The following DNAH8 variants were observed in gnomAD, a reference collection of about 807,000 sequenced individuals.
DNAH8 encodes the protein axonemal beta dynein heavy chain 8.
DNAH8 carries 382 observed loss-of-function variants against 562.1 expected under a neutral mutation model. The observed-to-expected ratio is 0.68, with a 90% CI of 0.63 to 0.74. DNAH8 has a LOEUF of 0.74. Among genes scored for constraint, DNAH8 ranks in the 30% least tolerant of loss-of-function variants. The pLI is 0.00. For missense variants in DNAH8, 5,203 were observed against 5,620.4 expected, an observed-to-expected ratio of 0.93 and a Z score of 2.37; for synonymous variants, 1,881 against 1,919.4, an observed-to-expected ratio of 0.98 and a Z score of 0.52.
intron 89 of DNAH8, 142 bp downstream of exon 89, chr6:39,009,112 T>C: frequency 3.6e-6 from 2 of 559,088 alleles, no homozygotes; most frequent in Non-Finnish European, 6.3e-6. Context: ...ACTATATTAC[T>C]AAACTCTGCA....
Position 38,842,388 on chromosome 6 carries a change from A to C in DNAH8, c.4487A>C (p.Gln1496Pro), listed in dbSNP as rs779352392. The change falls in exon 34 of 93, where the codon CAG becomes CCG. Residue 1496 changes from glutamine (Q) to proline (P), a missense_variant. Transcript: ENST00000327475. ...HKTRKELNLL[Q>P]KLYGLYDTVM... ...CCCAGAAAAGAACTCAACTTGCTGC[A>C]GAAGCTGTATGGATTGTATGACACC... The C allele has an allele frequency of 8.3e-5, 134 of 1,605,668 alleles. No homozygotes were observed. Among genetic ancestry groups the C allele is most frequent in the Non-Finnish European group, 1.1e-4 (131 of 1,177,320 alleles).
intron 58 of DNAH8, among the ~76,000 whole-genome samples, chr6:38,892,230 C>T (rs1190581951): frequency 6.6e-6 from 1 of 152,092 alleles, no homozygotes; most frequent in Non-Finnish European, 1.5e-5. Flanking sequence ...AGCTTCAAGG[C>T]TCTAAACATC....
At chr6:38,882,171 A>C (rs1300785645) in intron 53 of DNAH8, among the ~76,000 whole-genome samples, 1 of 120,408 alleles carries the variant, frequency 8.3e-6, no homozygotes, top group African/African-American at 2.8e-5. Flanking sequence ...AAGAACTTAA[A>C]CTTAGACCTA....
At chr6:38,785,939 G>A (rs759906952) in intron 17 of DNAH8, among the ~76,000 whole-genome samples, 2 of 152,100 alleles carry the variant, frequency 1.3e-5, no homozygotes. Context: ...AGTTTGATGT[G>A]GCCACATTCA....
At chr6:38,889,755 G>C (rs1445448752) in intron 57 of DNAH8, among the ~76,000 whole-genome samples, 3 of 152,148 alleles carry the variant, frequency 2.0e-5, no homozygotes, top group African/African-American at 7.2e-5. Flanking sequence ...GACTTTACAG[G>C]CACTTAGCAC....
intron 68 of DNAH8, among the ~76,000 whole-genome samples, chr6:38,916,461 G>A (rs9470950): frequency 2.6e-5 from 4 of 152,008 alleles, no homozygotes; most frequent in Non-Finnish European, 5.9e-5. Context: ...AATTGTATTT[G>A]CTTTGCCATT....
chr6:38,956,369 A>G (rs1438803116), intron 82 of DNAH8, among the ~76,000 whole-genome samples: 1 of 152,212 alleles, frequency 6.6e-6, no homozygotes, highest in Non-Finnish European at 1.5e-5. Context: ...ATCATCCTCC[A>G]GCAGATCCCA....
intron 61 of DNAH8, among the ~76,000 whole-genome samples, chr6:38,899,426 ATCTT>A (rs1388168118): frequency 6.6e-6 from 1 of 152,244 alleles, no homozygotes; most frequent in Admixed American, 6.5e-5. Context: ...CATTTCTTAT[ATCTT>A]CTGCAGATTG....
chr6:38,940,366 G>T (rs1783341073), intron 79 of DNAH8, among the ~76,000 whole-genome samples: 1 of 152,184 alleles, frequency 6.6e-6, no homozygotes, highest in Admixed American at 6.5e-5. Context: ...TGGTCTGGTG[G>T]TTGGAAGAGG....
intron 1 of DNAH8, among the ~76,000 whole-genome samples, chr6:38,721,483 T>G (rs1762746825): frequency 1.4e-5 from 2 of 145,264 alleles, no homozygotes; most frequent in Admixed American, 7.1e-5. Context: ...CTAGCCCAGG[T>G]GGCAGCGTGA....
chr6:38,991,449 C>G (rs1764780815), intron 88 of DNAH8, among the ~76,000 whole-genome samples: 1 of 152,200 alleles, frequency 6.6e-6, no homozygotes, highest in East Asian at 1.9e-4. Flanking sequence ...ACAATCAACT[C>G]TTAACGTTTT....
chr6:38,890,723 T>C lies in DNAH8; in HGVS notation c.8545T>C (p.Leu2849=). ...TCAAATATGTGAGATGATTGTGAAT[T>C]TAGTCTCAGTGGGTAGAGTGCTGTG... ...KPQICEMIVN[L]VSVGRVLWQW... Residue 2849 remains leucine, a synonymous_variant, in exon 58 of 93, where the codon TTA becomes CTA. Transcript: ENST00000327475. 6.2e-7 allele frequency: 1 copy of C among 1,613,892 alleles called. No individual in the cohort carries two copies. Among genetic ancestry groups the C allele is most frequent in the Non-Finnish European group, 8.5e-7 (1 of 1,179,784 alleles).
chr6:38,786,141 G>A (rs1769138377), intron 17 of DNAH8, among the ~76,000 whole-genome samples: 1 of 152,122 alleles, frequency 6.6e-6, no homozygotes, highest in African/African-American at 2.4e-5. Context: ...AACTGCTTGG[G>A]CTTATGTATT....
At chr6:38,843,155 T>G (rs1479813704) in intron 35 of DNAH8, among the ~76,000 whole-genome samples, 2 of 152,074 alleles carry the variant, frequency 1.3e-5, no homozygotes, top group Non-Finnish European at 2.9e-5. Context: ...ATCTTCCTTG[T>G]CCCCAGAATG....
At chr6:38,885,423 C>G (rs1158460673) in intron 56 of DNAH8, among the ~76,000 whole-genome samples, 1 of 152,156 alleles carries the variant, frequency 6.6e-6, no homozygotes, top group South Asian at 2.1e-4. Context: ...ACAAATGCCT[C>G]CTCACTGCCT....
At chr6:38,940,520 C>T (rs1463384584) in intron 79 of DNAH8, among the ~76,000 whole-genome samples, 2 of 152,174 alleles carry the variant, frequency 1.3e-5, no homozygotes, top group Non-Finnish European at 2.9e-5. Context: ...GTGTACTTCT[C>T]ATTCATGTTA....
In DNAH8 at chr6:39,030,113, G is replaced by A. The variant is rs986658707; in HGVS notation, c.13845G>A (p.Val4615=). 8 of 1,612,510 alleles carry A rather than the reference G, an allele frequency of 5.0e-6. No individual in the cohort carries two copies. The highest frequency in any genetic ancestry group is 2.7e-5 in the African/African-American group (2 of 74,832). ...EEITSPPGEG[V]YIYGLYMDGA... ...ATGCTTGACTCTTCCAGGAAGGTGTGTATATTTATGGGCTCTACATGGATG... is the reference window on the plus strand; with the variant it reads ...ATGCTTGACTCTTCCAGGAAGGTGTATATATTTATGGGCTCTACATGGATG... Residue 4615 remains valine, a synonymous_variant, in exon 93 of 93, where the codon GTG becomes GTA. Transcript: ENST00000327475.
chr6:38,998,586 T>C (rs1452455591), intron 88 of DNAH8, among the ~76,000 whole-genome samples: 5 of 152,256 alleles, frequency 3.3e-5, no homozygotes, highest in African/African-American at 4.8e-5. Flanking sequence ...TTTATGCTCA[T>C]TGATATTTCA....
chr6:38,886,478 CTT>C (rs963739385), intron 56 of DNAH8, among the ~76,000 whole-genome samples: 1 of 152,120 alleles, frequency 6.6e-6, no homozygotes, highest in Non-Finnish European at 1.5e-5. Flanking sequence ...TACAGTAAAA[CTT>C]GTTGTAACTT....
Sources: allele counts gnomAD v4.1 joint callset (sites outside exome capture counted in the v4.1 genomes callset), GRCh38; gene constraint gnomAD v4.1.1; transcripts MANE v1.5; gene names NCBI Gene and HGNC (gene_info 2026-07-23, HGNC 2026-07-21).